Variants in ADCY9 observed in about 807,000 individuals in gnomAD.
ADCY9 encodes the protein adenylate cyclase 9.
A neutral mutation model predicts 101.5 loss-of-function variants in ADCY9; 50 were observed. The ratio of observed to expected loss-of-function variants is 0.49; its 90% CI spans 0.39 to 0.62. The LOEUF (loss-of-function observed/expected upper bound fraction) is 0.62. Among genes scored for constraint, ADCY9 ranks in the 20% least tolerant of loss-of-function variants. The pLI, the probability that ADCY9 is intolerant of heterozygous loss-of-function variation, is 0.00. For synonymous variants in ADCY9, 905 were observed against 769.3 expected (o/e 1.18, Z -2.92); for missense variants, 1,662 against 1,800.4 (o/e 0.92, Z 1.39).
chr16:4,057,035 ACCGCC>A (rs1346636240), intron 2 of ADCY9, among the ~76,000 whole-genome samples: 3,200 of 78,966 alleles, frequency 0.041, 318 homozygotes, highest in African/African-American at 0.14. Context: ...TACTGATGAA[ACCGCC>A]CCCCCCCCCC....
chr16:3,998,495 G>T (rs1398516455), intron 3 of ADCY9, among the ~76,000 whole-genome samples: 1 of 151,946 alleles, frequency 6.6e-6, no homozygotes, highest in Non-Finnish European at 1.5e-5. Flanking sequence ...TGGATCACAA[G>T]GTCAGGAGAT....
In ADCY9 at chr16:3,987,919, T is replaced by C. The variant is rs867782647; in HGVS notation, c.2310+1075A>G. ...CCAGGATTCAAACCAGGCTCTAGGT[T>C]CTTGTATTATTCCTTCCAGCAACCC... On this transcript the variant is annotated intron_variant, in intron 6 of 10. Coordinates refer to ENST00000294016, the MANE Select transcript of ADCY9 (RefSeq NM_001116.4). 1.2e-3 allele frequency among the ~76,000 whole-genome samples: 188 copies of C among 152,186 alleles called. 1 individual carries two copies. Among genetic ancestry groups the C allele is most frequent in the African/African-American group, 4.4e-3 (184 of 41,536 alleles).
chr16:4,079,498 G>A (rs530898430), intron 2 of ADCY9, among the ~76,000 whole-genome samples: 1 of 152,236 alleles, frequency 6.6e-6, no homozygotes, highest in South Asian at 2.1e-4. Flanking sequence ...GAACCCGGGA[G>A]GCAGAGGTTG....
intron 2 of ADCY9, among the ~76,000 whole-genome samples, chr16:4,105,445 G>A (rs1024230561): frequency 2.0e-4 from 30 of 151,652 alleles, no homozygotes; most frequent in Middle Eastern, 3.4e-3. Context: ...GCTGAGGCGG[G>A]CAGATCACTT....
chr16:3,981,754 T>C (rs1348378071), intron 7 of ADCY9: 2 of 95,078 alleles, frequency 2.1e-5, no homozygotes, highest in African/African-American at 3.2e-5. Flanking sequence ...CAACCAAGAA[T>C]GGCTATTTTT....
chr16:4,087,636 C>A (rs995180235), intron 2 of ADCY9, among the ~76,000 whole-genome samples: 1 of 151,272 alleles, frequency 6.6e-6, no homozygotes, highest in African/African-American at 2.4e-5. Context: ...AGTCTGTGGG[C>A]ATAAACACTC....
chr16:4,052,883 A>T (rs954826995), intron 2 of ADCY9, among the ~76,000 whole-genome samples: 15 of 152,232 alleles, frequency 9.9e-5, no homozygotes, highest in African/African-American at 3.1e-4. Flanking sequence ...CAATGCCTTA[A>T]GTCACACATT....
chr16:4,074,997 G>T (rs2056858088), intron 2 of ADCY9, among the ~76,000 whole-genome samples: 1 of 151,980 alleles, frequency 6.6e-6, no homozygotes, highest in African/African-American at 2.4e-5. Context: ...GCAACATGGT[G>T]AGACCCCGTC....
chr16:3,997,627 G>A (rs1008072218), intron 3 of ADCY9, among the ~76,000 whole-genome samples: 28 of 152,238 alleles, frequency 1.8e-4, no homozygotes, highest in African/African-American at 5.5e-4. Context: ...CGGGCCTCCT[G>A]AGGGCCGGGA....
At chr16:3,998,415 A>T (rs1406338030) in intron 3 of ADCY9, among the ~76,000 whole-genome samples, 1 of 151,940 alleles carries the variant, frequency 6.6e-6, no homozygotes, top group Non-Finnish European at 1.5e-5. Context: ...TGTCTCTTTA[A>T]AAAAGAAAAA....
At chr16:3,995,602 T>C (rs1007196811) in intron 3 of ADCY9, among the ~76,000 whole-genome samples, 19 of 135,500 alleles carry the variant, frequency 1.4e-4, no homozygotes, top group Non-Finnish European at 2.9e-4. Flanking sequence ...GCAAGAAATA[T>C]ATTTTTTTTT....
At chr16:4,113,034 G>A (rs536198231) in intron 2 of ADCY9, among the ~76,000 whole-genome samples, 116 of 152,128 alleles carry the variant, frequency 7.6e-4, no homozygotes, top group African/African-American at 2.7e-3. Flanking sequence ...CCAGCTCTCC[G>A]GCAGGTACGT....
At chr16:4,021,272 T>G (rs1236764663) in intron 2 of ADCY9, among the ~76,000 whole-genome samples, 1 of 152,146 alleles carries the variant, frequency 6.6e-6, no homozygotes, top group African/African-American at 2.4e-5. Flanking sequence ...GAAGCCACAG[T>G]GCTAACAAGA....
Position 3,986,130 on chromosome 16 carries a change from C to T in ADCY9, c.2311-2690G>A, listed in dbSNP as rs908769186. Among the ~76,000 whole-genome samples the T allele has an allele frequency of 2.0e-5, 3 of 152,262 alleles. No homozygotes were observed. In the East Asian group the frequency reaches 5.8e-4, roughly 29 times the overall value. On this transcript the variant is annotated intron_variant, in intron 6 of 10. Transcript: ENST00000294016. ...GCAGCCGGGCTGTCTGGGCTCAAGGCCACTCCACCATGATTAGCTATGATA... is the reference window on the plus strand; with the variant it reads ...GCAGCCGGGCTGTCTGGGCTCAAGGTCACTCCACCATGATTAGCTATGATA...
At chr16:4,082,745 C>T (rs944242338) in intron 2 of ADCY9, among the ~76,000 whole-genome samples, 1 of 152,084 alleles carries the variant, frequency 6.6e-6, no homozygotes, top group East Asian at 1.9e-4. Flanking sequence ...CACGCATGGA[C>T]GCACACGCAC....
At chr16:4,092,119 A>C (rs111750725) in intron 2 of ADCY9, among the ~76,000 whole-genome samples, 1 of 152,178 alleles carries the variant, frequency 6.6e-6, no homozygotes, top group Non-Finnish European at 1.5e-5. Flanking sequence ...AAATACAAAA[A>C]ATTAGACAGG....
At chr16:4,080,254 C>CT (rs1358161287) in intron 2 of ADCY9, among the ~76,000 whole-genome samples, 21 of 151,084 alleles carry the variant, frequency 1.4e-4, no homozygotes, top group South Asian at 8.4e-4. Flanking sequence ...CTTTTCTTTA[C>CT]TTTTTTTTTG....
At chr16:4,038,191 G>T (rs1326505508) in intron 2 of ADCY9, among the ~76,000 whole-genome samples, 1 of 151,892 alleles carries the variant, frequency 6.6e-6, no homozygotes, top group African/African-American at 2.4e-5. Context: ...TGAGGTGGGG[G>T]GATCGCCTGA....
chr16:4,055,313 A>G (rs550183147), intron 2 of ADCY9, among the ~76,000 whole-genome samples: 6 of 152,174 alleles, frequency 3.9e-5, no homozygotes, highest in African/African-American at 1.2e-4. Flanking sequence ...CGAGCAGATC[A>G]CTTGAGGTCA....
Sources: allele counts gnomAD v4.1 joint callset (sites outside exome capture counted in the v4.1 genomes callset), GRCh38; gene constraint gnomAD v4.1.1; transcripts MANE v1.5; gene names NCBI Gene and HGNC (gene_info 2026-07-23, HGNC 2026-07-21).